The following MACROD2 variants were observed in gnomAD, a reference collection of about 807,000 sequenced individuals.
MACROD2 encodes the protein ADP-ribose glycohydrolase MACROD2.
A neutral mutation model predicts 70.4 loss-of-function variants in MACROD2; 36 were observed. The observed-to-expected ratio is 0.51, with a 90% CI of 0.39 to 0.68. MACROD2 has a LOEUF of 0.68. Among genes scored for constraint, MACROD2 ranks in the 30% least tolerant of loss-of-function variants. MACROD2 has a pLI of 0.00. For synonymous variants in MACROD2, 172 were observed against 178.8 expected (o/e 0.96, Z 0.30); for missense variants, 496 against 538.4 (o/e 0.92, Z 0.78).
chr20:14,838,880 A>G (rs935817066), intron 5 of MACROD2, among the ~76,000 whole-genome samples: 6 of 152,060 alleles, frequency 3.9e-5, no homozygotes, highest in Non-Finnish European at 5.9e-5. Flanking sequence ...CAGAACTTCA[A>G]CTGTCCTTTA....
chr20:14,799,311 A>C (rs2072546486), intron 5 of MACROD2, among the ~76,000 whole-genome samples: 1 of 152,038 alleles, frequency 6.6e-6, no homozygotes, highest in Admixed American at 6.6e-5. Flanking sequence ...TCCCAGCACA[A>C]TCTTACTATT....
chr20:14,532,005 G>A (rs1356287055), intron 4 of MACROD2, among the ~76,000 whole-genome samples: 2 of 152,132 alleles, frequency 1.3e-5, no homozygotes, highest in East Asian at 3.9e-4. Context: ...ATTCCAATGA[G>A]TTTTGTTTTT....
chr20:14,623,219 G>A (rs1197964639), intron 4 of MACROD2, among the ~76,000 whole-genome samples: 1 of 151,878 alleles, frequency 6.6e-6, no homozygotes, highest in Non-Finnish European at 1.5e-5. Flanking sequence ...GAAGCCATCA[G>A]GCTGATATCT....
chr20:14,453,655 A>G (rs1424669956), intron 3 of MACROD2, among the ~76,000 whole-genome samples: 1 of 152,084 alleles, frequency 6.6e-6, no homozygotes, highest in East Asian at 1.9e-4. Flanking sequence ...TTTAAATAGT[A>G]GAATGTACTG....
At chr20:14,767,654 A>G (rs956732695) in intron 5 of MACROD2, among the ~76,000 whole-genome samples, 1 of 151,726 alleles carries the variant, frequency 6.6e-6, no homozygotes, top group Admixed American at 6.6e-5. Flanking sequence ...TTTAAAAAAA[A>G]TTATATTTTA....
intron 3 of MACROD2, among the ~76,000 whole-genome samples, chr20:14,130,100 G>T (rs534620784): frequency 6.6e-6 from 1 of 152,150 alleles, no homozygotes; most frequent in South Asian, 2.1e-4. Flanking sequence ...TCTTACCATG[G>T]GGACTCAGTT....
intron 7 of MACROD2, among the ~76,000 whole-genome samples, chr20:15,443,635 A>G (rs1404791570): frequency 6.6e-6 from 1 of 152,140 alleles, no homozygotes; most frequent in African/African-American, 2.4e-5. Context: ...TGAGATTTCC[A>G]TTCTGGTAAT....
At chr20:14,622,299 G>A (rs549156145) in intron 4 of MACROD2, among the ~76,000 whole-genome samples, 41 of 152,174 alleles carry the variant, frequency 2.7e-4, no homozygotes, top group African/African-American at 9.1e-4. Flanking sequence ...AGTAGGTCAA[G>A]GGGTATCTGA....
chr20:14,678,959 A>G (rs547721370), intron 4 of MACROD2, among the ~76,000 whole-genome samples: 1 of 152,184 alleles, frequency 6.6e-6, no homozygotes, highest in East Asian at 1.9e-4. Context: ...TCAGAAAAAA[A>G]AAAACAACAC....
intron 2 of MACROD2, 83 bp downstream of exon 2, chr20:14,002,487 A>T (rs2052746080): frequency 1.3e-6 from 1 of 760,416 alleles, no homozygotes; most frequent in Non-Finnish European, 2.2e-6. Context: ...CTGGCGTTCA[A>T]TAAAGAGATT....
At chr20:14,315,531 T>C (rs763019812) in intron 3 of MACROD2, among the ~76,000 whole-genome samples, 5 of 152,228 alleles carry the variant, frequency 3.3e-5, no homozygotes, top group Admixed American at 2.6e-4. Context: ...TCATGGAGTT[T>C]GCATTTTAAT....
chr20:14,017,143 T>C (rs1292187127), intron 2 of MACROD2, among the ~76,000 whole-genome samples: 3 of 152,166 alleles, frequency 2.0e-5, no homozygotes, highest in African/African-American at 7.2e-5. Context: ...TTCTTATCAA[T>C]GTTCATTGCA....
intron 13 of MACROD2, among the ~76,000 whole-genome samples, chr20:15,980,378 T>C (rs1035616427): frequency 2.6e-5 from 4 of 152,240 alleles, no homozygotes; most frequent in African/African-American, 9.6e-5. Flanking sequence ...TCACTTTTTC[T>C]TAGTGGGAGT....
At chr20:14,458,701 A>G (rs996485089) in intron 3 of MACROD2, among the ~76,000 whole-genome samples, 2 of 152,222 alleles carry the variant, frequency 1.3e-5, no homozygotes, top group Non-Finnish European at 2.9e-5. Flanking sequence ...CCTTTACAAC[A>G]TACTACTAAA....
intron 5 of MACROD2, among the ~76,000 whole-genome samples, chr20:15,009,892 C>T (rs1490319068): frequency 6.6e-6 from 1 of 150,740 alleles, no homozygotes; most frequent in African/African-American, 2.4e-5. Flanking sequence ...TGCTTTTATT[C>T]TCTCTTCTTT....
At chr20:14,683,685 C>G (rs558143012) in intron 4 of MACROD2, among the ~76,000 whole-genome samples, 89 of 152,202 alleles carry the variant, frequency 5.8e-4, no homozygotes, top group African/African-American at 2.1e-3. Context: ...TGCCAATAGC[C>G]TGTCCCATAT....
intron 2 of MACROD2, among the ~76,000 whole-genome samples, chr20:14,066,865 G>C (rs1254768350): frequency 7.0e-6 from 1 of 143,386 alleles, no homozygotes; most frequent in Admixed American, 7.2e-5. Context: ...AGGCTGGAGA[G>C]CAGTGGCGCC....
intron 4 of MACROD2, among the ~76,000 whole-genome samples, chr20:14,512,480 A>G (rs1191701672): frequency 6.6e-6 from 1 of 152,124 alleles, no homozygotes; most frequent in African/African-American, 2.4e-5. Flanking sequence ...GTTAGAGAAA[A>G]GTGGAGGGAG....
At chr20:14,659,947 C>A (rs1323358870) in intron 4 of MACROD2, among the ~76,000 whole-genome samples, 4 of 152,166 alleles carry the variant, frequency 2.6e-5, no homozygotes, top group Middle Eastern at 3.4e-3. Context: ...ATTTTGGATT[C>A]TTTTATTTAT....
Sources: gnomAD v4.1 joint callset for allele counts (sites outside exome capture counted in the v4.1 genomes callset) on GRCh38, gnomAD v4.1.1 for gene constraint, MANE v1.5 for transcripts, NCBI Gene and HGNC (gene_info 2026-07-23, HGNC 2026-07-21) for gene names.